THUMPD2: variants seen among roughly 807,000 people sequenced by gnomAD.
THUMPD2 encodes the protein U6 snRNA (guanine-N(2))-methyltransferase THUMPD2.
In THUMPD2, 56 loss-of-function variants were observed where a neutral mutation model predicts 49.4. That is an observed-to-expected ratio of 1.13 (90% CI 0.91 to 1.41). The LOEUF is 1.41. THUMPD2 is among the 40% of genes most tolerant of loss of function. The pLI, the probability that THUMPD2 is intolerant of heterozygous loss-of-function variation, is 0.00. For synonymous variants in THUMPD2, 237 were observed against 205.2 expected (o/e 1.15, Z -1.32); for missense variants, 709 against 594.5 (o/e 1.19, Z -2.00).
chr2:39,744,329 C>T (rs753441818), intron 9 of THUMPD2, 41 bp downstream of exon 9: 2 of 1,265,682 alleles, frequency 1.6e-6, no homozygotes, highest in Admixed American at 2.4e-5. Context: ...GTTAAATGCC[C>T]AGTAGCTAAA....
Position 39,736,698 on chromosome 2 carries a change from T to TA in THUMPD2, c.*36dup, listed in dbSNP as rs1673121997. On this transcript the variant is annotated 3_prime_UTR_variant, in exon 10 of 10. Coordinates refer to ENST00000505747, the MANE Select transcript of THUMPD2 (RefSeq NM_025264.5). ...GCAAACTTCTGCTGTACAGCTAACT[T>TA]ACAAGGGCCTGAACCCGGCTGATGG... The TA allele has an allele frequency of 6.4e-7, 1 of 1,571,596 alleles. No individual in the cohort carries two copies. The highest frequency in any genetic ancestry group is 8.7e-7 in the Non-Finnish European group (1 of 1,156,028).
In THUMPD2 at chr2:39,769,924, T is replaced by TC; in HGVS notation, c.457_458insG (p.Gln153ArgfsTer7). On this transcript the variant is annotated frameshift_variant, in exon 3 of 10. Transcript: ENST00000505747. LOFTEE classifies it high-confidence loss of function. ...GCAGTCCCTATTCTCTTCTATCTTT[T>TC]GCATTTGTTCTATTTTTAATTTCTT... 1 of 1,582,064 alleles carries TC rather than the reference T, an allele frequency of 6.3e-7. No homozygotes were observed. The highest frequency in any genetic ancestry group is 8.5e-7 in the Non-Finnish European group (1 of 1,171,718).
chr2:39,739,148 G>C (rs1336154926), intron 9 of THUMPD2, among the ~76,000 whole-genome samples: 1 of 152,152 alleles, frequency 6.6e-6, no homozygotes, highest in South Asian at 2.1e-4. Flanking sequence ...CCACACAGAA[G>C]ACAAATGTAA....
chr2:39,751,651 T>G (rs1408951544), intron 8 of THUMPD2, among the ~76,000 whole-genome samples: 4 of 151,132 alleles, frequency 2.6e-5, no homozygotes, highest in Admixed American at 1.3e-4. Flanking sequence ...AACTTAGGAA[T>G]AAATACATAT....
chr2:39,772,268 T>C (rs529182745), intron 1 of THUMPD2, among the ~76,000 whole-genome samples: 1 of 152,210 alleles, frequency 6.6e-6, no homozygotes, highest in African/African-American at 2.4e-5. Context: ...TAGTGTCAGG[T>C]GGATGGATAA....
chr2:39,774,342 G>C (rs2148352152), intron 1 of THUMPD2, among the ~76,000 whole-genome samples: 1 of 152,316 alleles, frequency 6.6e-6, no homozygotes, highest in Middle Eastern at 3.4e-3. Context: ...TTTACTATCA[G>C]AAGTGTTCTA....
intron 1 of THUMPD2, among the ~76,000 whole-genome samples, 159 bp from the exon 2 acceptor site, chr2:39,771,799 T>C (rs1449709421): frequency 6.6e-6 from 1 of 152,144 alleles, no homozygotes; most frequent in Admixed American, 6.5e-5. Context: ...ATAAGTATTT[T>C]CCTCCTTATC....
At chr2:39,757,943 T>C (rs543151518) in intron 6 of THUMPD2, among the ~76,000 whole-genome samples, 1 of 152,296 alleles carries the variant, frequency 6.6e-6, no homozygotes, top group East Asian at 1.9e-4. Context: ...CACTACCACA[T>C]TCCCTCCAAA....
At chr2:39,749,142 G>C (rs985421093) in intron 8 of THUMPD2, among the ~76,000 whole-genome samples, 15 of 152,094 alleles carry the variant, frequency 9.9e-5, no homozygotes, top group East Asian at 5.8e-4. Flanking sequence ...TTAATTTTTA[G>C]CATGATGTTG....
intron 1 of THUMPD2, among the ~76,000 whole-genome samples, chr2:39,778,159 T>A (rs528861331): frequency 1.3e-5 from 2 of 152,372 alleles, no homozygotes; most frequent in African/African-American, 2.4e-5. Flanking sequence ...TTGTGAAAAG[T>A]ACGCAAATAA....
chr2:39,771,858 A>T (rs1213826585), intron 1 of THUMPD2, among the ~76,000 whole-genome samples: 1 of 152,192 alleles, frequency 6.6e-6, no homozygotes, highest in Non-Finnish European at 1.5e-5. Flanking sequence ...AAAGTAGACA[A>T]AAGAAAGGTA....
rs1236562420 is a variant in THUMPD2, at chr2:39,779,136, C to T, written c.104G>A (p.Arg35Gln). 1 of 1,517,336 alleles carries T rather than the reference C, an allele frequency of 6.6e-7. No individual in the cohort carries two copies. Among genetic ancestry groups the T allele is most frequent in the Admixed American group, 2.0e-5 (1 of 49,032 alleles). 94.0% of individuals were successfully genotyped at this position (1,517,336 alleles called of 1,614,324 possible). Residue 35 changes from arginine (R) to glutamine (Q), a missense_variant, in exon 1 of 10, where the codon CGG becomes CAG. Arg to Gln is a conservative substitution (Grantham distance 43). Coordinates refer to ENST00000505747, the MANE Select transcript of THUMPD2 (RefSeq NM_025264.5). ...GLEPFVMREV[R>Q]ARLAATQVEY... ...CACCTGCGTGGCCGCCAGCCGCGCCCGCACCTCTCGCATTACGAACGGCTC... is the reference window on the plus strand; with the variant it reads ...CACCTGCGTGGCCGCCAGCCGCGCCTGCACCTCTCGCATTACGAACGGCTC...
chr2:39,773,365 A>C (rs1279539281), intron 1 of THUMPD2, among the ~76,000 whole-genome samples: 1 of 151,824 alleles, frequency 6.6e-6, no homozygotes, highest in Non-Finnish European at 1.5e-5. Context: ...TTTAAGTTTC[A>C]AATTCTGTAA....
intron 9 of THUMPD2, among the ~76,000 whole-genome samples, chr2:39,743,223 C>T (rs1252773293): frequency 1.3e-5 from 2 of 152,158 alleles, no homozygotes; most frequent in Admixed American, 1.3e-4. Context: ...TGTGTGTTAT[C>T]AAATTCCCAG....
Position 39,736,939 on chromosome 2 carries a change from A to C in THUMPD2, c.1308T>G (p.Pro436=), listed in dbSNP as rs370990413. ...FNSKDSHTDE[P]GIKKCLNPEE... ...CAGGATTCAAGCACTTTTTAATTCC[A>C]GGTTCATCTGTGTGACTGTCCTTGG... Residue 436 remains proline (P), a synonymous_variant, in exon 10 of 10, where the codon CCT becomes CCG. Coordinates refer to ENST00000505747, the MANE Select transcript of THUMPD2 (RefSeq NM_025264.5). 1.9e-6 allele frequency: 3 copies of C among 1,613,978 alleles called. No individual in the cohort carries two copies. Among genetic ancestry groups the C allele is most frequent in the African/African-American group, 2.7e-5 (2 of 74,898 alleles).
Position 39,736,802 on chromosome 2 carries a change from T to G in THUMPD2, c.1445A>C (p.Lys482Thr). The change falls in exon 10 of 10, where the codon AAA becomes ACA. Residue 482 changes from lysine (K) to threonine (T), a missense_variant. By Grantham distance (78) the Lys-to-Thr change is moderately conservative. Transcript: ENST00000505747. ...FGSLVPVECYKVSLGKTDAFI... is the reference protein window; with the variant it reads ...FGSLVPVECYTVSLGKTDAFI... ...CGCATCTGTCTTTCCAAGGCTAACT[T>G]TGTAGCATTCCACTGGTACCAAGGA... 1 of 1,614,186 alleles carries G rather than the reference T, an allele frequency of 6.2e-7. No individual in the cohort carries two copies. The highest frequency in any genetic ancestry group is 8.5e-7 in the Non-Finnish European group (1 of 1,180,022).
chr2:39,776,454 C>T (rs888953785), intron 1 of THUMPD2, among the ~76,000 whole-genome samples: 60 of 149,276 alleles, frequency 4.0e-4, no homozygotes, highest in African/African-American at 1.1e-3. Context: ...AGTGCAGTGG[C>T]GCGATCTTGG....
In THUMPD2 at chr2:39,755,278, C is replaced by A. The variant is rs772688655; in HGVS notation, c.1078+17G>T. 5 of 1,426,280 alleles carry A rather than the reference C, an allele frequency of 3.5e-6. No individual in the cohort carries two copies. The highest frequency in any genetic ancestry group is 3.0e-5 in the African/African-American group (2 of 66,672). The allele number at this position is 1,426,280 out of a possible 1,614,324, so 88.4% of individuals were successfully genotyped here. A position where few individuals can be genotyped will look rare whatever the true frequency, so the allele number is the denominator to read the frequency against. Reference sequence around the variant, plus strand: ...ATTGTTCCTTTTCTCAATTGTTTTGCATTTTTAGTATCTTACCTATAACAG... The same window carrying A: ...ATTGTTCCTTTTCTCAATTGTTTTGAATTTTTAGTATCTTACCTATAACAG... On this transcript the variant is annotated intron_variant, in intron 8 of 9. Transcript: ENST00000505747.
chr2:39,769,089 A>G, intron 3 of THUMPD2: 1 of 1,304,186 alleles, frequency 7.7e-7, no homozygotes. Flanking sequence ...TCCCATGTAC[A>G]GGACCTGTGC....
Sources: gnomAD v4.1 joint callset for allele counts (sites outside exome capture counted in the v4.1 genomes callset) on GRCh38, gnomAD v4.1.1 for gene constraint, MANE v1.5 for transcripts, NCBI Gene and HGNC (gene_info 2026-07-23, HGNC 2026-07-21) for gene names.